The following SCNN1D variants were observed in gnomAD, a reference collection of about 807,000 sequenced individuals.
SCNN1D encodes the protein sodium channel epithelial 1 subunit delta, also known as epithelial sodium channel subunit delta.
In SCNN1D, 104 loss-of-function variants were observed where a neutral mutation model predicts 87.8. The ratio of observed to expected loss-of-function variants is 1.18; its 90% CI spans 1.01 to 1.39. SCNN1D has a LOEUF of 1.39. Among genes scored for constraint, SCNN1D ranks in the 40% most tolerant of loss-of-function variants. The pLI, the probability that SCNN1D is intolerant of heterozygous loss-of-function variation, is 0.00. For missense variants in SCNN1D, 1,324 were observed against 1,093.9 expected (o/e 1.21, Z -2.97); for synonymous variants, 628 against 481.2 (o/e 1.31, Z -3.99).
rs1640485299 is a variant in SCNN1D, at chr1:1,282,270, C to T, written c.306C>T (p.Leu102=). 6.5e-7 allele frequency: 1 copy of T among 1,549,458 alleles called. No homozygotes were observed. Among genetic ancestry groups the T allele is most frequent in the Non-Finnish European group, 8.7e-7 (1 of 1,146,130 alleles). ...TGGGTGACTCCAGCATGGCTTTCCT[C>T]TCCAGGACGTCACCGGTGGCAGCTG... ...TGLGDSSMAF[L]SRTSPVAAAS... is the part of the protein sequence containing the mutation. Residue 102 remains leucine (L), a synonymous_variant, in exon 4 of 18, where the codon CTC becomes CTT. Coordinates refer to ENST00000379116, the MANE Select transcript of SCNN1D (RefSeq NM_001130413.4).
chr1:1,282,014 C>A, intron 3 of SCNN1D: 1 of 587,682 alleles, frequency 1.7e-6, no homozygotes, highest in Non-Finnish European at 3.1e-6. Flanking sequence ...TCGGCAGGTG[C>A]GGCCCACGCA....
At position 1,286,761 on chromosome 1, in the gene SCNN1D, G is replaced by T; in HGVS notation, c.912-7G>T. 6.2e-7 allele frequency: 1 copy of T among 1,611,934 alleles called. No individual in the cohort carries two copies. The highest frequency in any genetic ancestry group is 8.5e-7 in the Non-Finnish European group (1 of 1,179,470). Reference sequence around the variant, plus strand: ...GGCAACTCTGACTCCAGGGCCCTGCGTCCCAGGCCGAGTCCGGTCCTCCGC... The same window carrying T: ...GGCAACTCTGACTCCAGGGCCCTGCTTCCCAGGCCGAGTCCGGTCCTCCGC... On this transcript the variant is annotated splice_polypyrimidine_tract_variant and splice_region_variant and intron_variant, in intron 7 of 17. Transcript: ENST00000379116.
Position 1,281,886 on chromosome 1 carries a change from G to C in SCNN1D, c.277+276G>C, listed in dbSNP as rs1193914002. The C allele has an allele frequency of 7.0e-6, 4 of 567,998 alleles. No homozygotes were observed. In the East Asian group the frequency reaches 1.2e-4, roughly 17 times the overall value. The allele number at this position is 567,998 out of a possible 1,614,324, so 35.2% of individuals were successfully genotyped here. Reference sequence around the variant, plus strand: ...TGCACCAAGGCTGGGCTGTCTGCCAGGCCACTCCCGGGGACACAGGGAGGC... The same window carrying C: ...TGCACCAAGGCTGGGCTGTCTGCCACGCCACTCCCGGGGACACAGGGAGGC... On this transcript the variant is annotated intron_variant, in intron 3 of 17. Coordinates refer to ENST00000379116, the MANE Select transcript of SCNN1D (RefSeq NM_001130413.4).
rs986116590 is a variant in SCNN1D, at chr1:1,280,919, C to G, written c.5+253C>G. ...GCAGCCGGGGGCACCTTGGTGCCAC[C>G]TTAGTGCCTGTTCTGCGGAGGCTCC... is the stretch of plus-strand genomic sequence containing the variant. On this transcript the variant is annotated intron_variant, in intron 1 of 17. Coordinates refer to ENST00000379116, the MANE Select transcript of SCNN1D (RefSeq NM_001130413.4). 8.6e-6 allele frequency: 5 copies of G among 584,436 alleles called. No individual in the cohort carries two copies. The East Asian group carries it at 1.4e-4, about 16-fold the overall frequency. 36.2% of individuals were successfully genotyped at this position (584,436 alleles called of 1,614,324 possible).
At chr1:1,285,077 T>C (rs1181107980) in intron 5 of SCNN1D, among the ~76,000 whole-genome samples, 1 of 152,194 alleles carries the variant, frequency 6.6e-6, no homozygotes, top group East Asian at 1.9e-4. Context: ...AGCAGAGCCA[T>C]GTGCCCAGTG....
rs916610605 is a variant in SCNN1D, at chr1:1,285,424, G to C, written c.465-147G>C. 3.2e-5 allele frequency: 18 copies of C among 565,540 alleles called. No homozygotes were observed. In the African/African-American group the frequency reaches 3.5e-4, roughly 11 times the overall value. 35.0% of individuals were successfully genotyped at this position (565,540 alleles called of 1,614,324 possible). On this transcript the variant is annotated intron_variant, in intron 5 of 17. Transcript: ENST00000379116. ...GCCAGACGCTTCCTGGACTTGGCTG[G>C]ATGGGCCTGGCACAGTCGGTCCTCA... is the stretch of plus-strand genomic sequence containing the variant.
In SCNN1D at chr1:1,287,608, C is replaced by T. The variant is rs528195745; in HGVS notation, c.1399+12C>T. ...CGGCATCACCCACGGTGGGTGCCAG[C>T]CCCTGGCCGGTGCGGGGGCAGGGGT... On this transcript the variant is annotated intron_variant, in intron 10 of 17. Coordinates refer to ENST00000379116, the MANE Select transcript of SCNN1D (RefSeq NM_001130413.4). 3.1e-6 allele frequency: 5 copies of T among 1,607,674 alleles called. No homozygotes were observed. Among genetic ancestry groups the T allele is most frequent in the South Asian group, 2.2e-5 (2 of 90,642 alleles).
intron 12 of SCNN1D, 130 bp downstream of exon 12, chr1:1,288,167 GC>G (rs1557583957): frequency 1.5e-6 from 1 of 677,730 alleles, no homozygotes; most frequent in Non-Finnish European, 2.5e-6. Flanking sequence ...CCCCGTGGAG[GC>G]CCGCACTCCA....
At chr1:1,282,540 G>A (rs773637203) in intron 4 of SCNN1D, among the ~76,000 whole-genome samples, 2 of 140,936 alleles carry the variant, frequency 1.4e-5, no homozygotes, top group East Asian at 2.4e-4. Flanking sequence ...GGTCCTGGGG[G>A]ACAGGGACAC....
chr1:1,291,100 A>G lies in SCNN1D; in HGVS notation c.2012A>G (p.Glu671Gly), dbSNP rs758184053. ...GCCAAAATCAACATCGTCTACCAGG[A>G]GCTCAACTACCGCTCAGTGGAGGAG... ...SLAKINIVYQ[E>G]LNYRSVEEAP... Residue 671 changes from glutamate (E) to glycine (G), a missense_variant, in exon 17 of 18, where the codon GAG becomes GGG. By Grantham distance (98) the Glu-to-Gly change is moderately conservative. Coordinates refer to ENST00000379116, the MANE Select transcript of SCNN1D (RefSeq NM_001130413.4). 1.2e-6 allele frequency: 2 copies of G among 1,612,156 alleles called. No homozygotes were observed. The highest frequency in any genetic ancestry group is 1.1e-5 in the South Asian group (1 of 91,028).
chr1:1,286,199 C>A lies in SCNN1D; in HGVS notation c.832C>A (p.Pro278Thr). Residue 278 changes from proline (P) to threonine (T), a missense_variant, in exon 7 of 18, where the codon CCG becomes ACG. Coordinates refer to ENST00000379116, the MANE Select transcript of SCNN1D (RefSeq NM_001130413.4). ...GLLFERHWHR[P>T]VLMAVSVHSE... is the part of the protein sequence containing the mutation. ...CCTCTTTGAGCGTCACTGGCACCGCCCGGTCCTCATGGCCGTCTCTGTGCA... is the reference window on the plus strand; with the variant it reads ...CCTCTTTGAGCGTCACTGGCACCGCACGGTCCTCATGGCCGTCTCTGTGCA... The A allele has an allele frequency of 6.2e-7, 1 of 1,601,530 alleles. No homozygotes were observed.
At chr1:1,281,039 AC>A (rs774040067) in intron 1 of SCNN1D, 186 bp from the exon 2 acceptor site, 88 of 618,136 alleles carry the variant, frequency 1.4e-4, no homozygotes, top group Non-Finnish European at 2.4e-4. Flanking sequence ...ACCCCAGGCC[AC>A]CCCTGGCCTG....
At chr1:1,285,894 G>A (rs1640577502) in intron 6 of SCNN1D, 32 bp from the exon 7 acceptor site, 13 of 1,521,300 alleles carry the variant, frequency 8.5e-6, no homozygotes, top group Non-Finnish European at 1.1e-5. Context: ...GTGGGTGCAG[G>A]CCGGGCCCTG....
intron 16 of SCNN1D, 54 bp downstream of exon 16, chr1:1,291,007 C>G (rs1557587911): frequency 2.5e-6 from 4 of 1,592,376 alleles, no homozygotes; most frequent in East Asian, 4.5e-5. Context: ...CCCCTCAAAG[C>G]CCCCCTCCCC....
At chr1:1,283,934 C>A in intron 4 of SCNN1D, 44 bp from the exon 5 acceptor site, 1 of 1,222,150 alleles carries the variant, frequency 8.2e-7, no homozygotes, top group Non-Finnish European at 1.1e-6. Flanking sequence ...GGTCCTCCCT[C>A]GCCTGCAGCA....
intron 4 of SCNN1D, among the ~76,000 whole-genome samples, chr1:1,282,677 G>A (rs1421258119): frequency 1.3e-5 from 2 of 151,944 alleles, no homozygotes; most frequent in Non-Finnish European, 2.9e-5. Context: ...GTGTGTGTGA[G>A]GTCGTAGCGT....
chr1:1,283,567 A>G (rs921545391), intron 4 of SCNN1D, among the ~76,000 whole-genome samples: 1 of 152,184 alleles, frequency 6.6e-6, no homozygotes, highest in Admixed American at 6.5e-5. Flanking sequence ...GGATGGTGGC[A>G]GGTGCCCGTA....
chr1:1,290,004 G>A (rs1157271591), intron 12 of SCNN1D, among the ~76,000 whole-genome samples: 6 of 53,696 alleles, frequency 1.1e-4, no homozygotes, highest in African/African-American at 2.1e-4. Context: ...GCTCCGTCCC[G>A]TGTCCCTGCT....
Position 1,287,797 on chromosome 1 carries a change from C to T in SCNN1D, c.1524C>T (p.Ser508=), listed in dbSNP as rs371367878. 1.0e-4 allele frequency: 158 copies of T among 1,583,698 alleles called. No homozygotes were observed. Among genetic ancestry groups the T allele is most frequent in the Middle Eastern group, 5.0e-4 (3 of 6,040 alleles). ...HTPFLGHHSF[S]VRPGTEATIS... The stretch of plus-strand genomic sequence containing the variant: ...CCTTCCTGGGGCACCACAGCTTCAG[C>T]GTCCGGCCAGGGACGGAGGCCACCA... Residue 508 remains serine (S), a synonymous_variant, in exon 11 of 18, where the codon AGC becomes AGT. Transcript: ENST00000379116.
Sources: allele counts gnomAD v4.1 joint callset (sites outside exome capture counted in the v4.1 genomes callset), GRCh38; gene constraint gnomAD v4.1.1; transcripts MANE v1.5; gene names NCBI Gene and HGNC (gene_info 2026-07-23, HGNC 2026-07-21).